MBD5: variants seen among roughly 807,000 people sequenced by gnomAD.
MBD5 encodes methyl-CpG-binding domain protein 5.
In MBD5, 13 loss-of-function variants were observed where a neutral mutation model predicts 117.3. The ratio of observed to expected loss-of-function variants is 0.11; its 90% CI spans 0.07 to 0.18. The LOEUF (loss-of-function observed/expected upper bound fraction) is 0.18, where lower values mean the gene tolerates loss of function less well. Among genes scored for constraint, MBD5 ranks in the 10% least tolerant of loss-of-function variants. MBD5 has a pLI of 1.00. For missense variants in MBD5, 1,879 were observed against 2,093.8 expected (o/e 0.90, Z 2.00); for synonymous variants, 727 against 766.4 (o/e 0.95, Z 0.85).
At chr2:148,322,707 CAT>C (rs1010932831) in intron 3 of MBD5, among the ~76,000 whole-genome samples, 12 of 152,120 alleles carry the variant, frequency 7.9e-5, no homozygotes, top group African/African-American at 1.9e-4. Context: ...TTTGAACACA[CAT>C]GTTAGTTTCA....
chr2:148,146,388 C>A (rs1427000189), intron 1 of MBD5, among the ~76,000 whole-genome samples: 1 of 152,032 alleles, frequency 6.6e-6, no homozygotes, highest in Non-Finnish European at 1.5e-5. Context: ...GTGCACCACA[C>A]ACCTGGCTAA....
intron 1 of MBD5, among the ~76,000 whole-genome samples, chr2:148,118,005 C>G (rs1284168931): frequency 6.6e-6 from 1 of 152,194 alleles, no homozygotes; most frequent in African/African-American, 2.4e-5. Flanking sequence ...ATCTGCACTA[C>G]AAAGCACCAT....
In MBD5 at chr2:148,206,907, G is replaced by A. The variant is rs1399670153; in HGVS notation, c.-830-26338G>A. On this transcript the variant is annotated intron_variant, in intron 2 of 13. Coordinates refer to ENST00000642680, the MANE Select transcript of MBD5 (RefSeq NM_001378120.1). ...ATCAATAATTGGAAAGACAATGCAC[G>A]TACCATTGAAAATAGTCAGAAACAC... 3.9e-5 allele frequency among the ~76,000 whole-genome samples: 6 copies of A among 152,168 alleles called. No individual in the cohort carries two copies. The East Asian group carries it at 9.6e-4, about 24-fold the overall frequency.
chr2:148,376,729 A>G (rs1304777006), intron 4 of MBD5, among the ~76,000 whole-genome samples: 2 of 140,930 alleles, frequency 1.4e-5, no homozygotes, highest in African/African-American at 2.6e-5. Context: ...TATCTAATAT[A>G]TAATTATATT....
intron 3 of MBD5, among the ~76,000 whole-genome samples, chr2:148,333,604 G>T (rs1702715362): frequency 6.6e-6 from 1 of 151,856 alleles, no homozygotes; most frequent in South Asian, 2.1e-4. Flanking sequence ...CACTTTGGGA[G>T]GCCGAGGCAG....
chr2:148,211,385 A>G (rs571073966), intron 2 of MBD5, among the ~76,000 whole-genome samples: 1 of 152,308 alleles, frequency 6.6e-6, no homozygotes, highest in South Asian at 2.1e-4. Context: ...CATTTGGTAT[A>G]AAAAGAATGT....
intron 3 of MBD5, among the ~76,000 whole-genome samples, chr2:148,266,182 A>T (rs886419628): frequency 2.6e-5 from 4 of 152,162 alleles, no homozygotes; most frequent in African/African-American, 7.2e-5. Flanking sequence ...TTGTGTTGGT[A>T]TCTCCTGACC....
intron 4 of MBD5, among the ~76,000 whole-genome samples, chr2:148,357,262 G>C (rs1703405921): frequency 6.6e-6 from 1 of 152,086 alleles, no homozygotes; most frequent in African/African-American, 2.4e-5. Context: ...TATAGAAAAG[G>C]CACACCTTTA....
At chr2:148,111,892 T>G (rs927965410) in intron 1 of MBD5, among the ~76,000 whole-genome samples, 2 of 152,144 alleles carry the variant, frequency 1.3e-5, no homozygotes, top group Non-Finnish European at 2.9e-5. Context: ...GAGACACAGA[T>G]TAACACAAAT....
At chr2:148,207,965 A>T (rs1264924752) in intron 2 of MBD5, among the ~76,000 whole-genome samples, 4 of 152,130 alleles carry the variant, frequency 2.6e-5, no homozygotes, top group Non-Finnish European at 5.9e-5. Flanking sequence ...TAATGCAAAA[A>T]ATAATTATTT....
At chr2:148,126,703 A>G (rs902702169) in intron 1 of MBD5, among the ~76,000 whole-genome samples, 4 of 152,102 alleles carry the variant, frequency 2.6e-5, no homozygotes, top group Non-Finnish European at 5.9e-5. Context: ...TAATGACAGT[A>G]ATGCCATCTT....
At chr2:148,155,311 G>C (rs962321353) in intron 1 of MBD5, among the ~76,000 whole-genome samples, 6 of 152,160 alleles carry the variant, frequency 3.9e-5, no homozygotes, top group Non-Finnish European at 7.3e-5. Context: ...AACAGCAGCT[G>C]CTCAGTGTGA....
chr2:148,113,995 T>G (rs1350220128), intron 1 of MBD5, among the ~76,000 whole-genome samples: 2 of 152,206 alleles, frequency 1.3e-5, no homozygotes, highest in Non-Finnish European at 2.9e-5. Flanking sequence ...TCTTTTGCAC[T>G]GTTATTGGCT....
intron 1 of MBD5, among the ~76,000 whole-genome samples, chr2:148,156,354 T>TTATAACTACTCC (rs1380475543): frequency 1.3e-5 from 2 of 152,218 alleles, no homozygotes; most frequent in South Asian, 2.1e-4. Flanking sequence ...AAAGAACTGC[T>TTATAACTACTCC]TATAACTACT....
intron 1 of MBD5, among the ~76,000 whole-genome samples, chr2:148,080,272 A>C (rs1337364720): frequency 6.6e-6 from 1 of 152,200 alleles, no homozygotes; most frequent in Non-Finnish European, 1.5e-5. Flanking sequence ...TTAAAATCAT[A>C]ATCCTTCAAT....
intron 3 of MBD5, among the ~76,000 whole-genome samples, chr2:148,313,827 G>A (rs1479876481): frequency 1.3e-5 from 2 of 152,148 alleles, no homozygotes; most frequent in Non-Finnish European, 2.9e-5. Flanking sequence ...GAAAAGCAGA[G>A]TATCTGGGCT....
At chr2:148,124,319 C>T (rs1378743295) in intron 1 of MBD5, among the ~76,000 whole-genome samples, 1 of 151,204 alleles carries the variant, frequency 6.6e-6, no homozygotes, top group Non-Finnish European at 1.5e-5. Flanking sequence ...ACACAAAAAA[C>T]AAGAAAACCC....
intron 4 of MBD5, among the ~76,000 whole-genome samples, chr2:148,383,774 G>A (rs1704241165): frequency 6.6e-6 from 1 of 152,124 alleles, no homozygotes; most frequent in African/African-American, 2.4e-5. Context: ...GATGAAGTGG[G>A]CTTCATCCCT....
rs1695473542 is a variant in MBD5 at position 148,075,093 on chromosome 2, G to A, written c.-925+53409G>A. ...GAGATGCAGTAGAAAAGCTTTGTGG[G>A]AAGAGATTATTGGAAAGATGGCTCA... On this transcript the variant is annotated intron_variant, in intron 1 of 13. Transcript: ENST00000642680. 2.6e-5 allele frequency among the ~76,000 whole-genome samples: 4 copies of A among 152,122 alleles called. No homozygotes were observed. In the South Asian group the frequency reaches 8.3e-4, roughly 31 times the overall value.
Sources: allele counts gnomAD v4.1 joint callset (sites outside exome capture counted in the v4.1 genomes callset), GRCh38; gene constraint gnomAD v4.1.1; transcripts MANE v1.5; gene names NCBI Gene and HGNC (gene_info 2026-07-23, HGNC 2026-07-21).